The following PICALM variants were observed in gnomAD, a reference collection of about 807,000 sequenced individuals.
The protein encoded by PICALM is phosphatidylinositol-binding clathrin assembly protein.
Under a neutral mutation model 80.5 loss-of-function variants are expected in PICALM, and 40 were observed. The observed-to-expected ratio is 0.50, with a 90% confidence interval of 0.39 to 0.65. PICALM has a LOEUF of 0.65. Ranked by LOEUF, PICALM falls within the 30% of genes least tolerant of loss-of-function variation. PICALM has a pLI of 0.00. For synonymous variants in PICALM, 288 were observed against 260.3 expected (o/e 1.11, Z -1.02); for missense variants, 676 against 778.9 (o/e 0.87, Z 1.57).
intron 19 of PICALM, among the ~76,000 whole-genome samples, chr11:85,969,416 T>A (rs1003110867): frequency 1.3e-5 from 2 of 152,220 alleles, no homozygotes; most frequent in Non-Finnish European, 2.9e-5. Flanking sequence ...AGATTCCATT[T>A]TGATGGAATT....
At chr11:85,969,159 T>G (rs956132918) in intron 19 of PICALM, among the ~76,000 whole-genome samples, 1 of 152,196 alleles carries the variant, frequency 6.6e-6, no homozygotes, top group Non-Finnish European at 1.5e-5. Context: ...ACTAATGCAG[T>G]GCTTAGAGTA....
chr11:85,987,004 C>T (rs1021120254), intron 13 of PICALM, among the ~76,000 whole-genome samples: 1 of 152,136 alleles, frequency 6.6e-6, no homozygotes, highest in Non-Finnish European at 1.5e-5. Flanking sequence ...TTGAAAAGTA[C>T]AAGATCAACA....
intron 1 of PICALM, among the ~76,000 whole-genome samples, chr11:86,033,376 C>G (rs556163158): frequency 6.6e-6 from 1 of 152,006 alleles, no homozygotes; most frequent in South Asian, 2.1e-4. Context: ...TTCTTCCCCC[C>G]ACTGCATCAC....
At chr11:86,064,924 T>C (rs2096421863) in intron 1 of PICALM, among the ~76,000 whole-genome samples, 1 of 151,802 alleles carries the variant, frequency 6.6e-6, no homozygotes, top group African/African-American at 2.4e-5. Context: ...AAATAAAAAG[T>C]TTCTTTAATT....
Position 86,022,328 on chromosome 11 carries a change from A to C in PICALM, c.452+39T>G, listed in dbSNP as rs1197825204. 1.0e-5 allele frequency: 11 copies of C among 1,098,484 alleles called. No individual in the cohort carries two copies. In the East Asian group the frequency reaches 2.6e-4, roughly 26 times the overall value. The allele number at this position is 1,098,484 out of a possible 1,614,324, so 68.0% of individuals were successfully genotyped here. On this transcript the variant is annotated intron_variant, in intron 4 of 19. Coordinates refer to ENST00000393346, the MANE Select transcript of PICALM (RefSeq NM_007166.4). The stretch of plus-strand genomic sequence containing the variant: ...AACTCCTATGTTTTACATTTTTAAA[A>C]ATTCAAATCAATTAGATGTCAAAAA...
At chr11:85,973,723 T>C (rs546537644) in intron 19 of PICALM, among the ~76,000 whole-genome samples, 18 of 152,172 alleles carry the variant, frequency 1.2e-4, no homozygotes, top group African/African-American at 2.9e-4. Flanking sequence ...TGTAAGACTA[T>C]ATGCTTTGGC....
chr11:86,000,964 G>A, intron 10 of PICALM, 71 bp downstream of exon 10: 2 of 1,572,106 alleles, frequency 1.3e-6, no homozygotes, highest in Non-Finnish European at 1.7e-6. Flanking sequence ...CTCTAAGTCT[G>A]TGCAGAGGCC....
intron 1 of PICALM, among the ~76,000 whole-genome samples, chr11:86,049,919 G>A (rs913185000): frequency 6.6e-6 from 1 of 151,728 alleles, no homozygotes; most frequent in African/African-American, 2.4e-5. Context: ...ACTACATCAG[G>A]CCAGGTGAGG....
chr11:85,995,461 CAT>C (rs1375488226), intron 12 of PICALM, among the ~76,000 whole-genome samples: 1 of 152,170 alleles, frequency 6.6e-6, no homozygotes, highest in Non-Finnish European at 1.5e-5. Context: ...TATCTGCTTT[CAT>C]ATGTGACTTT....
chr11:85,983,167 T>C (rs2094492480), intron 14 of PICALM, among the ~76,000 whole-genome samples: 4 of 152,344 alleles, frequency 2.6e-5, no homozygotes, highest in African/African-American at 9.6e-5. Flanking sequence ...ATTAAGAACA[T>C]CTCAATATAT....
chr11:85,986,029 A>G (rs140259250), intron 13 of PICALM, among the ~76,000 whole-genome samples: 1 of 152,330 alleles, frequency 6.6e-6, no homozygotes, highest in Non-Finnish European at 1.5e-5. Flanking sequence ...AAATTATGAC[A>G]TAATTACCTA....
chr11:85,977,013 G>C (rs920541159), intron 17 of PICALM: 3 of 165,188 alleles, frequency 1.8e-5, no homozygotes, highest in African/African-American at 7.1e-5. Context: ...AAAATTTAAA[G>C]CCTATCACTA....
In PICALM at chr11:85,965,666, CT is replaced by C. The variant is rs1565205131; in HGVS notation, c.1945-6607del. 2.6e-5 allele frequency among the ~76,000 whole-genome samples: 4 copies of C among 152,090 alleles called. No homozygotes were observed. In the South Asian group the frequency reaches 8.3e-4, roughly 31 times the overall value. ...TACTATATACATGTAGGGGTCTGTC[CT>C]TTGGGTTAAGTCTAGTGCCACAAAT... On this transcript the variant is annotated intron_variant, in intron 19 of 19. Coordinates refer to ENST00000393346, the MANE Select transcript of PICALM (RefSeq NM_007166.4).
intron 3 of PICALM, chr11:86,023,498 T>C (rs1030197318): frequency 2.0e-6 from 2 of 984,944 alleles, no homozygotes; most frequent in African/African-American, 3.5e-5. Context: ...TACCCCATCC[T>C]AAGACGGTAA....
chr11:85,993,903 A>G (rs2094876852), intron 12 of PICALM, among the ~76,000 whole-genome samples: 1 of 152,096 alleles, frequency 6.6e-6, no homozygotes, highest in African/African-American at 2.4e-5. Context: ...TAAACATGGT[A>G]GAGACAAGGT....
chr11:86,005,102 A>C (rs56267805), intron 8 of PICALM, among the ~76,000 whole-genome samples: 2 of 152,352 alleles, frequency 1.3e-5, no homozygotes, highest in Non-Finnish European at 2.9e-5. Flanking sequence ...CATATTACAG[A>C]TAAACAACCT....
At chr11:86,030,886 G>A (rs1451143870) in intron 2 of PICALM, among the ~76,000 whole-genome samples, 8 of 152,194 alleles carry the variant, frequency 5.3e-5, no homozygotes, top group African/African-American at 1.9e-4. Context: ...AGGCTAAGGT[G>A]GGAAGATCAC....
At chr11:86,021,775 C>T (rs1434346882) in intron 4 of PICALM, among the ~76,000 whole-genome samples, 1 of 152,124 alleles carries the variant, frequency 6.6e-6, no homozygotes, top group Non-Finnish European at 1.5e-5. Context: ...AGAAACTATT[C>T]AAGTGGCCAT....
chr11:86,063,999 T>C (rs2096407586), intron 1 of PICALM, among the ~76,000 whole-genome samples: 1 of 152,196 alleles, frequency 6.6e-6, no homozygotes, highest in African/African-American at 2.4e-5. Context: ...CAGATCCTTC[T>C]TGACAATACG....
Sources: gnomAD v4.1 joint callset for allele counts (sites outside exome capture counted in the v4.1 genomes callset) on GRCh38, gnomAD v4.1.1 for gene constraint, MANE v1.5 for transcripts, NCBI Gene and HGNC (gene_info 2026-07-23, HGNC 2026-07-21) for gene names.